PHC2: variants seen among roughly 807,000 people sequenced by gnomAD.
PHC2 encodes the protein polyhomeotic-like protein 2.
Under a neutral mutation model 87.4 loss-of-function variants are expected in PHC2, and 29 were observed. The ratio of observed to expected loss-of-function variants is 0.33; its 90% confidence interval spans 0.25 to 0.45. The LOEUF (loss-of-function observed/expected upper bound fraction) is 0.45. Among genes scored for constraint, PHC2 ranks in the 20% least tolerant of loss-of-function variants. The pLI is 1.00. For synonymous variants in PHC2, 438 were observed against 461.7 expected (o/e 0.95, Z 0.66); for missense variants, 857 against 1,136.7 (o/e 0.75, Z 3.54).
At chr1:33,381,735 C>T (rs957194053) in intron 1 of PHC2, among the ~76,000 whole-genome samples, 2 of 150,886 alleles carry the variant, frequency 1.3e-5, no homozygotes, top group Non-Finnish European at 2.9e-5. Flanking sequence ...CAGTTGAAAA[C>T]GAACTGATAT....
Position 33,332,267 on chromosome 1 carries a change from A to G in PHC2, c.1891+8T>C, listed in dbSNP as rs375147059. The G allele has an allele frequency of 3.6e-5, 58 of 1,613,952 alleles. No individual in the cohort carries two copies. Among genetic ancestry groups the G allele is most frequent in the Non-Finnish European group, 4.6e-5 (54 of 1,179,962 alleles). On this transcript the variant is annotated splice_region_variant and intron_variant, in intron 11 of 14. Transcript: ENST00000683057. This position sits in a 1 kb window ranked among gnomAD's most constrained non-coding sequence, Gnocchi z 4.2. ...GAGGCCGAGAGATTCAGGGTCTGAGATGCCCACCTTGCAGATAGGGCTCCT... is the reference window on the plus strand; with the variant it reads ...GAGGCCGAGAGATTCAGGGTCTGAGGTGCCCACCTTGCAGATAGGGCTCCT...
intron 1 of PHC2, among the ~76,000 whole-genome samples, chr1:33,411,257 C>T (rs979601904): frequency 2.0e-5 from 3 of 152,076 alleles, no homozygotes; most frequent in African/African-American, 7.2e-5. Context: ...ATACTTAAAT[C>T]ACTAATCAAG....
At position 33,368,708 on chromosome 1, in the gene PHC2, G is replaced by A; in HGVS notation, c.577-86C>T. The A allele has an allele frequency of 9.9e-7, 1 of 1,007,962 alleles. No homozygotes were observed. The highest frequency in any genetic ancestry group is 1.5e-6 in the Non-Finnish European group (1 of 652,726). 62.4% of individuals were successfully genotyped at this position (1,007,962 alleles called of 1,614,324 possible). A position where few individuals can be genotyped will look rare whatever the true frequency, so the allele number is the denominator to read the frequency against. On this transcript the variant is annotated intron_variant, in intron 5 of 14. Coordinates refer to ENST00000683057, the MANE Select transcript of PHC2 (RefSeq NM_001385109.1). This position sits in a 1 kb window ranked among gnomAD's most constrained non-coding sequence, Gnocchi z 6.6. The stretch of plus-strand genomic sequence containing the variant: ...CTGGGCCTGGAATCACAGGAAACGA[G>A]GCGCCTTTTACCTGCTCGATGTGGA...
chr1:33,380,202 T>G (rs1050757684), intron 1 of PHC2, among the ~76,000 whole-genome samples: 1 of 152,198 alleles, frequency 6.6e-6, no homozygotes, highest in Non-Finnish European at 1.5e-5. Flanking sequence ...ATGACTAGAT[T>G]TTAAGTGTGC....
intron 7 of PHC2, among the ~76,000 whole-genome samples, chr1:33,355,704 G>A (rs1647058529): frequency 6.6e-6 from 1 of 152,214 alleles, no homozygotes; most frequent in Non-Finnish European, 1.5e-5. Flanking sequence ...TCCAGCCTCT[G>A]GCTCTGCTCA....
chr1:33,347,776 T>G (rs1646872189), intron 9 of PHC2: 1 of 977,286 alleles, frequency 1.0e-6, no homozygotes. Flanking sequence ...TGATGAAGAG[T>G]GCCTGGAAAG....
rs1570514150 is a variant in PHC2, at chr1:33,415,380, A to T, written c.-55+15596T>A. ...GAGCAGAAAGACCTTGTAATAGACA[A>T]GGAATTAGATACAACCCCCAGAAGA... On this transcript the variant is annotated intron_variant, in intron 1 of 14. Transcript: ENST00000683057. 3.3e-5 allele frequency among the ~76,000 whole-genome samples: 5 copies of T among 152,234 alleles called. No individual in the cohort carries two copies. In the South Asian group the frequency reaches 8.3e-4, roughly 25 times the overall value.
chr1:33,343,468 CAA>C (rs71006394), intron 9 of PHC2, among the ~76,000 whole-genome samples: 2 of 59,840 alleles, frequency 3.3e-5, no homozygotes, highest in African/African-American at 7.7e-5. Context: ...GACTCTGTCT[CAA>C]AAAAAAAAAA....
At chr1:33,333,222 G>T (rs1646544119) in intron 10 of PHC2, 1 of 152,240 alleles carries the variant, frequency 6.6e-6, no homozygotes, top group Non-Finnish European at 1.5e-5. Context: ...AAGACAAGAA[G>T]CTATGTGTCT....
intron 1 of PHC2, among the ~76,000 whole-genome samples, chr1:33,400,823 A>G (rs1649491716): frequency 6.6e-6 from 1 of 152,230 alleles, no homozygotes. Context: ...TCTGAGATAT[A>G]TTATTAACTG....
chr1:33,370,899 G>T, intron 4 of PHC2, 118 bp downstream of exon 4: 1 of 858,808 alleles, frequency 1.2e-6, no homozygotes, highest in Non-Finnish European at 2.0e-6. Context: ...CCCGGTAAGG[G>T]CAATAGATTC....
At chr1:33,356,258 T>G (rs1249958894) in intron 7 of PHC2, among the ~76,000 whole-genome samples, 4 of 84,328 alleles carry the variant, frequency 4.7e-5, no homozygotes, top group Non-Finnish European at 7.7e-5. Flanking sequence ...CTTATATATA[T>G]ATATATATAT....
chr1:33,406,571 T>A (rs1244739140), intron 1 of PHC2, among the ~76,000 whole-genome samples: 3 of 152,190 alleles, frequency 2.0e-5, no homozygotes, highest in African/African-American at 7.2e-5. Context: ...TAGGTGTGTC[T>A]TCTGTAAACA....
intron 1 of PHC2, 77 bp downstream of exon 1, chr1:33,430,899 A>T (rs962235689): frequency 2.7e-5 from 4 of 150,470 alleles, no homozygotes; most frequent in Admixed American, 2.0e-4. Flanking sequence ...TTAAGCCGGC[A>T]GCGCGGCGGC....
In PHC2 at chr1:33,331,459, G is replaced by A; in HGVS notation, c.1895C>T (p.Ser632Phe). The A allele has an allele frequency of 6.3e-7, 1 of 1,584,166 alleles. No homozygotes were observed. The highest frequency in any genetic ancestry group is 8.7e-7 in the Non-Finnish European group (1 of 1,153,666). Residue 632 changes from serine to phenylalanine, a missense_variant, in exon 12 of 15, where the codon TCC becomes TTC. Around this residue, in one of 3 missense-constraint regions of PHC2, gnomAD observed 832 missense variants for 1,081.8 expected, o/e 0.77. Coordinates refer to ENST00000683057, the MANE Select transcript of PHC2 (RefSeq NM_001385109.1). The surrounding 1 kb of genome is among the most constrained non-coding windows in gnomAD (Gnocchi z 5.2). ...SEMEEPYLQE[S>F]KEEGAPLKLK... ...TTTGAGGGGAGCACCCTCCTCTTTGGATTCTGAAAAGTATAGAAATGGGTA... is the reference window on the plus strand; with the variant it reads ...TTTGAGGGGAGCACCCTCCTCTTTGAATTCTGAAAAGTATAGAAATGGGTA...
rs752617898 is a variant in PHC2, at chr1:33,334,328, G to A, written c.1559-36C>T. 3 of 1,589,124 alleles carry A rather than the reference G, an allele frequency of 1.9e-6. No homozygotes were observed. The highest frequency in any genetic ancestry group is 1.3e-5 in the African/African-American group (1 of 74,402). On this transcript the variant is annotated intron_variant, in intron 9 of 14. Transcript: ENST00000683057. This position sits in a 1 kb window ranked among gnomAD's most constrained non-coding sequence, Gnocchi z 5.5. ...GAGAGTAGGAAAACAAAGCAGGGGA[G>A]ATCAGAACCAGAGTCCACGCCCAGG...
At chr1:33,356,276 T>TAC (rs1557831073) in intron 7 of PHC2, among the ~76,000 whole-genome samples, 2 of 59,472 alleles carry the variant, frequency 3.4e-5, no homozygotes, top group South Asian at 5.2e-4. Context: ...TATATATATA[T>TAC]GTATATATAT....
intron 1 of PHC2, among the ~76,000 whole-genome samples, chr1:33,428,374 G>A (rs1418939166): frequency 1.3e-5 from 2 of 152,312 alleles, no homozygotes; most frequent in Non-Finnish European, 1.5e-5. Context: ...AATCTTAGCA[G>A]ACCGTATTAA....
chr1:33,361,462 T>C (rs1219421428), intron 7 of PHC2, among the ~76,000 whole-genome samples: 1 of 152,216 alleles, frequency 6.6e-6, no homozygotes, highest in Admixed American at 6.5e-5. Context: ...TGCCTCAGCC[T>C]CCCAAGTAGC....
Sources: gnomAD v4.1 joint callset for allele counts (sites outside exome capture counted in the v4.1 genomes callset) on GRCh38, gnomAD v4.1.1 for gene constraint, gnomAD v4.1.1 regional missense constraint, Gnocchi (gnomAD v3.1) non-coding constraint, MANE v1.5 for transcripts, NCBI Gene and HGNC (gene_info 2026-07-23, HGNC 2026-07-21) for gene names.